Variants in EML4 observed in about 807,000 individuals in gnomAD.
EML4 encodes the protein EMAP like 4, also known as echinoderm microtubule-associated protein-like 4.
In EML4, 72 loss-of-function variants were observed where a neutral mutation model predicts 129.0. That is an observed-to-expected ratio of 0.56 (90% CI 0.46 to 0.68). The LOEUF (loss-of-function observed/expected upper bound fraction) is 0.68, where lower values mean the gene tolerates loss of function less well. EML4 is among the 30% of genes least tolerant of loss of function. EML4 has a pLI of 0.00. For synonymous variants in EML4, 532 were observed against 405.0 expected, an observed-to-expected ratio of 1.31 and a Z score of -3.77; for missense variants, 1,363 against 1,190.6, an observed-to-expected ratio of 1.14 and a Z score of -2.13.
At chr2:42,288,376 A>G in intron 11 of EML4, 54 bp downstream of exon 11, 1 of 930,510 alleles carries the variant, frequency 1.1e-6, no homozygotes, top group Non-Finnish European at 1.7e-6. Context: ...CTTGTTTTGC[A>G]GGTATTTGGA....
At chr2:42,219,868 G>A (rs991716208) in intron 1 of EML4, among the ~76,000 whole-genome samples, 1 of 150,910 alleles carries the variant, frequency 6.6e-6, no homozygotes, top group Non-Finnish European at 1.5e-5. Context: ...GGGGGTTGCA[G>A]TGAGCCAAGA....
chr2:42,178,001 A>G (rs1030798361), intron 1 of EML4, among the ~76,000 whole-genome samples: 3 of 152,212 alleles, frequency 2.0e-5, no homozygotes, highest in Non-Finnish European at 4.4e-5. Flanking sequence ...TTGAGAGAAT[A>G]GGTGGAAAGG....
intron 5 of EML4, among the ~76,000 whole-genome samples, chr2:42,264,057 A>G (rs1401760582): frequency 1.3e-5 from 2 of 151,358 alleles, no homozygotes; most frequent in Non-Finnish European, 2.9e-5. Flanking sequence ...AGTCTTCTAC[A>G]AAAAGTTGTA....
chr2:42,245,739 T>G, intron 2 of EML4, 52 bp downstream of exon 2: 1 of 1,475,426 alleles, frequency 6.8e-7, no homozygotes, highest in Non-Finnish European at 9.1e-7. Context: ...ATATTTTCTT[T>G]GAAAGTTGAA....
At chr2:42,246,997 C>T (rs778567778) in intron 2 of EML4, among the ~76,000 whole-genome samples, 4 of 152,200 alleles carry the variant, frequency 2.6e-5, no homozygotes, top group Non-Finnish European at 5.9e-5. Flanking sequence ...AATATAGCCA[C>T]TCTCAAAAAA....
intron 13 of EML4, among the ~76,000 whole-genome samples, chr2:42,297,093 C>G (rs952459210): frequency 3.9e-5 from 6 of 152,164 alleles, no homozygotes; most frequent in Non-Finnish European, 7.4e-5. Flanking sequence ...ATATTCTTAG[C>G]CTCTTTCGTT....
chr2:42,239,319 T>G (rs1674870509), intron 1 of EML4, among the ~76,000 whole-genome samples: 1 of 152,238 alleles, frequency 6.6e-6, no homozygotes, highest in Non-Finnish European at 1.5e-5. Context: ...TTTGGATATT[T>G]ATAATGAAAC....
At position 42,280,930 on chromosome 2, in the gene EML4, A is replaced by C; in HGVS notation, c.748A>C (p.Ile250Leu). The C allele has an allele frequency of 6.2e-7, 1 of 1,612,764 alleles. No homozygotes were observed. Among genetic ancestry groups the C allele is most frequent in the Admixed American group, 1.7e-5 (1 of 59,758 alleles). Residue 250 changes from isoleucine to leucine, a missense_variant, in exon 7 of 23, where the codon ATC becomes CTC. Transcript: ENST00000318522. ...IPSDVDNYDD[I>L]RTELPPEKLK... ...TTCCGATGTTGACAACTATGATGAC[A>C]TCAGAACGGAACTGCCTCCTGAGAA...
At position 42,261,162 on chromosome 2, in the gene EML4, A is replaced by G. The variant is rs752948630; in HGVS notation, c.380A>G (p.Glu127Gly). The G allele has an allele frequency of 1.2e-5, 19 of 1,612,402 alleles. No individual in the cohort carries two copies. The highest frequency in any genetic ancestry group is 7.7e-5 in the South Asian group (7 of 90,982). ...AAAGAAAAACCACAAGGACAGAGAG[A>G]AAAAAAAGAGGAATCTCATTCTAAT... ...KKKEKPQGQR[E>G]KKEESHSNDQ... The change falls in exon 4 of 23, where the codon GAA becomes GGA. Residue 127 changes from glutamate (E) to glycine (G), a missense_variant. Glu to Gly is a moderately conservative substitution (Grantham distance 98). Transcript: ENST00000318522.
Position 42,245,705 on chromosome 2 carries a change from T to G in EML4, c.208+18T>G, listed in dbSNP as rs1675359245. On this transcript the variant is annotated intron_variant, in intron 2 of 22. Transcript: ENST00000318522. ...AAGTAAAGGTAATTGTGTTGTAAAG[T>G]TAAAAAGAGTCTTGCTTTTTGCAAT... 3 of 1,556,218 alleles carry G rather than the reference T, an allele frequency of 1.9e-6. No homozygotes were observed. In the East Asian group the frequency reaches 7.0e-5, roughly 36 times the overall value.
At chr2:42,178,596 C>A (rs1670753089) in intron 1 of EML4, among the ~76,000 whole-genome samples, 1 of 152,068 alleles carries the variant, frequency 6.6e-6, no homozygotes, top group Non-Finnish European at 1.5e-5. Context: ...TGAGTATCCC[C>A]CGTGTGGTGC....
At chr2:42,270,517 C>T (rs1666306414) in intron 6 of EML4, among the ~76,000 whole-genome samples, 1 of 152,172 alleles carries the variant, frequency 6.6e-6, no homozygotes, top group Non-Finnish European at 1.5e-5. Flanking sequence ...ATTATGTTTT[C>T]TGACCTTTTG....
chr2:42,216,230 C>CTTTTTTTTT lies in EML4; in HGVS notation c.26-29253_26-29245dup, dbSNP rs61417977. ...ATGAGCTACCACACCCGGCCCACTT[C>CTTTTTTTTT]TTTTTTTTTTTTTTTTTTTTTTTTT... On this transcript the variant is annotated intron_variant, in intron 1 of 22. Coordinates refer to ENST00000318522, the MANE Select transcript of EML4 (RefSeq NM_019063.5). Among the ~76,000 whole-genome samples, 14 of 43,378 alleles carry CTTTTTTTTT rather than the reference C, an allele frequency of 3.2e-4. 2 individuals are homozygous for CTTTTTTTTT. The highest frequency in any genetic ancestry group is 1.8e-3 in the African/African-American group (14 of 7,860). 28.5% of individuals were successfully genotyped at this position (43,378 alleles called of 152,430 possible).
chr2:42,314,412 T>A (rs2103780979), intron 17 of EML4, among the ~76,000 whole-genome samples: 1 of 152,326 alleles, frequency 6.6e-6, no homozygotes, highest in South Asian at 2.1e-4. Context: ...AATGAATTTT[T>A]AGTAACTTGT....
intron 1 of EML4, among the ~76,000 whole-genome samples, chr2:42,209,989 G>C (rs1248174888): frequency 6.6e-6 from 1 of 152,004 alleles, no homozygotes; most frequent in African/African-American, 2.4e-5. Context: ...ATTTAGAACA[G>C]TTTTACATTT....
chr2:42,191,068 T>G (rs1053244582), intron 1 of EML4, among the ~76,000 whole-genome samples: 1 of 152,216 alleles, frequency 6.6e-6, no homozygotes, highest in Non-Finnish European at 1.5e-5. Context: ...CTTTTCTACT[T>G]TATATATGTG....
intron 1 of EML4, 150 bp from the exon 2 acceptor site, chr2:42,245,355 C>CA: frequency 1.5e-6 from 1 of 682,344 alleles, no homozygotes; most frequent in Middle Eastern, 4.1e-4. Flanking sequence ...CTTGGCCCCT[C>CA]AAAGTTCTGG....
intron 1 of EML4, among the ~76,000 whole-genome samples, chr2:42,201,969 GCTC>G (rs1195515793): frequency 2.0e-5 from 3 of 152,094 alleles, no homozygotes; most frequent in Non-Finnish European, 2.9e-5. Flanking sequence ...TGTAATCCCA[GCTC>G]CTCAGGAGGC....
intron 6 of EML4, among the ~76,000 whole-genome samples, chr2:42,272,532 C>T (rs1225885475): frequency 3.9e-5 from 6 of 152,098 alleles, no homozygotes; most frequent in Admixed American, 6.6e-5. Context: ...ATCTGCCCAC[C>T]TTGGCCTCCC....
Sources: gnomAD v4.1 joint callset for allele counts (sites outside exome capture counted in the v4.1 genomes callset) on GRCh38, gnomAD v4.1.1 for gene constraint, MANE v1.5 for transcripts, NCBI Gene and HGNC (gene_info 2026-07-23, HGNC 2026-07-21) for gene names.